SIRT5: variants seen among roughly 807,000 people sequenced by gnomAD.
SIRT5 encodes the protein sirtuin 5, also known as NAD-dependent protein deacylase sirtuin-5, mitochondrial.
SIRT5 carries 26 observed loss-of-function variants against 40.0 expected under a neutral mutation model. The ratio of observed to expected loss-of-function variants is 0.65; its 90% CI spans 0.48 to 0.90. The LOEUF is 0.90. Ranked by LOEUF, SIRT5 falls within the 40% of genes least tolerant of loss-of-function variation. SIRT5 has a pLI of 0.00. For synonymous variants in SIRT5, 146 were observed against 149.1 expected (o/e 0.98, Z 0.15); for missense variants, 401 against 402.4 (o/e 1.00, Z 0.03).
At chr6:13,586,526 G>A (rs1760103521) in intron 3 of SIRT5, among the ~76,000 whole-genome samples, 1 of 152,092 alleles carries the variant, frequency 6.6e-6, no homozygotes, top group South Asian at 2.1e-4. Flanking sequence ...TTTTTGTCAG[G>A]TTTGTCAAAG....
intron 9 of SIRT5, among the ~76,000 whole-genome samples, chr6:13,601,496 A>G (rs982168247): frequency 4.6e-5 from 7 of 151,904 alleles, no homozygotes; most frequent in African/African-American, 1.7e-4. Context: ...TTCTTCATCC[A>G]TGTTCTGTCT....
intron 2 of SIRT5, among the ~76,000 whole-genome samples, chr6:13,581,717 A>G (rs1759363598): frequency 6.6e-6 from 1 of 152,216 alleles, no homozygotes; most frequent in African/African-American, 2.4e-5. Context: ...ACTATCTGAT[A>G]GGCCTTGGTG....
intron 2 of SIRT5, among the ~76,000 whole-genome samples, chr6:13,581,287 C>G (rs1410745901): frequency 2.6e-5 from 4 of 152,222 alleles, no homozygotes; most frequent in Non-Finnish European, 5.9e-5. Context: ...GACAGTTTCT[C>G]CAGTTCTTAT....
At chr6:13,608,682 A>G (rs1036886061) in intron 9 of SIRT5, among the ~76,000 whole-genome samples, 9 of 152,160 alleles carry the variant, frequency 5.9e-5, no homozygotes, top group African/African-American at 1.7e-4. Context: ...AATTTTTTCA[A>G]TTTCCTTAAA....
chr6:13,580,179 T>G (rs1759154371), intron 2 of SIRT5, among the ~76,000 whole-genome samples: 1 of 152,220 alleles, frequency 6.6e-6, no homozygotes, highest in Non-Finnish European at 1.5e-5. Flanking sequence ...CCCCTGAGGT[T>G]GTTCTGGAGA....
chr6:13,611,058 C>T (rs951519979), intron 9 of SIRT5, among the ~76,000 whole-genome samples: 7 of 151,302 alleles, frequency 4.6e-5, no homozygotes, highest in African/African-American at 1.5e-4. Context: ...CTAACTACAC[C>T]TCAGAAGCTA....
intron 9 of SIRT5, among the ~76,000 whole-genome samples, chr6:13,606,680 TTTTTG>T (rs1287711530): frequency 9.2e-5 from 14 of 152,222 alleles, no homozygotes; most frequent in African/African-American, 2.2e-4. Context: ...TTTTGTTTGT[TTTTTG>T]TTTTGTTTTG....
intron 7 of SIRT5, among the ~76,000 whole-genome samples, chr6:13,598,427 C>T (rs1044713260): frequency 2.6e-5 from 4 of 152,030 alleles, no homozygotes; most frequent in Non-Finnish European, 4.4e-5. Flanking sequence ...CAGTATGTCT[C>T]CCAGGTCTGG....
At position 13,607,855 on chromosome 6, in the gene SIRT5, G is replaced by C. The variant is rs1388547625; in HGVS notation, c.858-3935G>C. 6.6e-6 allele frequency among the ~76,000 whole-genome samples: 1 copy of C among 152,130 alleles called. No individual in the cohort carries two copies. The highest frequency in any genetic ancestry group is 1.5e-5 in the Non-Finnish European group (1 of 68,030). ...TGCAACCTCCGCCTCCCTGGTTCAA[G>C]CAATTCTCCTGCCTCAGCCTCCCAA... On this transcript the variant is annotated intron_variant, in intron 9 of 9. Transcript: ENST00000606117. The surrounding 1 kb of genome is among the most constrained non-coding windows in gnomAD (Gnocchi z 4.0).
intron 5 of SIRT5, among the ~76,000 whole-genome samples, chr6:13,592,418 A>G (rs999969369): frequency 6.6e-6 from 1 of 152,214 alleles, no homozygotes; most frequent in African/African-American, 2.4e-5. Context: ...AGCAGACTGC[A>G]GCATCTTGGG....
intron 7 of SIRT5, among the ~76,000 whole-genome samples, chr6:13,597,259 C>T (rs765551978): frequency 5.9e-5 from 9 of 151,614 alleles, no homozygotes; most frequent in Non-Finnish European, 1.0e-4. Context: ...CATTTGAGGT[C>T]GGGAAAGTTT....
chr6:13,604,571 A>C, intron 9 of SIRT5: 1 of 1,581,674 alleles, frequency 6.3e-7, no homozygotes, highest in Non-Finnish European at 8.5e-7. Flanking sequence ...AAAAAGAAGA[A>C]AATAAAACTG....
chr6:13,593,889 CAG>C (rs1341923137), intron 5 of SIRT5, among the ~76,000 whole-genome samples: 3 of 152,130 alleles, frequency 2.0e-5, no homozygotes, highest in Admixed American at 2.0e-4. Context: ...CTGAGTGACT[CAG>C]AGCACGGATG....
intron 6 of SIRT5, among the ~76,000 whole-genome samples, chr6:13,596,004 A>G (rs1246050787): frequency 6.6e-6 from 1 of 152,156 alleles, no homozygotes; most frequent in Non-Finnish European, 1.5e-5. Flanking sequence ...AAAACAAACA[A>G]ACAAACAAAA....
At chr6:13,590,449 G>A (rs1760706832) in intron 4 of SIRT5, among the ~76,000 whole-genome samples, 2 of 152,140 alleles carry the variant, frequency 1.3e-5, no homozygotes, top group South Asian at 4.1e-4. Context: ...AGTTGTGTGT[G>A]TAGTTGCATG....
At chr6:13,591,923 G>T in intron 5 of SIRT5, 29 bp downstream of exon 5, 1 of 1,600,000 alleles carries the variant, frequency 6.3e-7, no homozygotes, top group South Asian at 1.1e-5. Flanking sequence ...CCCATTCAGG[G>T]AACCAGCTTT....
At chr6:13,600,072 T>C (rs1445234495) in intron 8 of SIRT5, among the ~76,000 whole-genome samples, 1 of 152,252 alleles carries the variant, frequency 6.6e-6, no homozygotes, top group African/African-American at 2.4e-5. Context: ...GTTTAATCAA[T>C]GATATCGTGA....
chr6:13,604,338 A>G (rs1762807762), intron 9 of SIRT5: 4 of 711,192 alleles, frequency 5.6e-6, no homozygotes, highest in South Asian at 4.9e-5. Context: ...GCGTAGTAAT[A>G]CCGGAGCTAG....
At chr6:13,597,730 G>A (rs1250457945) in intron 7 of SIRT5, among the ~76,000 whole-genome samples, 1 of 152,082 alleles carries the variant, frequency 6.6e-6, no homozygotes, top group Admixed American at 6.6e-5. Flanking sequence ...GTTTTTAGCA[G>A]GGATGAGGTT....
Sources: allele counts gnomAD v4.1 joint callset (sites outside exome capture counted in the v4.1 genomes callset), GRCh38; gene constraint gnomAD v4.1.1; non-coding constraint Gnocchi (gnomAD v3.1); transcripts MANE v1.5; gene names NCBI Gene and HGNC (gene_info 2026-07-23, HGNC 2026-07-21).